The following HHAT variants were observed in gnomAD, a reference collection of about 807,000 sequenced individuals.
The protein encoded by HHAT is hedgehog acyltransferase.
A neutral mutation model predicts 70.8 loss-of-function variants in HHAT; 47 were observed. The observed-to-expected ratio is 0.66, with a 90% confidence interval of 0.53 to 0.85. The LOEUF is 0.85. Among genes scored for constraint, HHAT ranks in the 40% least tolerant of loss-of-function variants. The pLI is 0.00. For synonymous variants in HHAT, 228 were observed against 247.6 expected (o/e 0.92, Z 0.74); for missense variants, 609 against 604.8 (o/e 1.01, Z -0.07).
intron 8 of HHAT, among the ~76,000 whole-genome samples, chr1:210,482,218 C>G (rs2094407692): frequency 6.6e-6 from 1 of 152,178 alleles, no homozygotes; most frequent in Admixed American, 6.5e-5. Context: ...AAGAACTCTT[C>G]TGTACCTCCT....
chr1:210,574,628 T>C (rs1160079929), intron 9 of HHAT, among the ~76,000 whole-genome samples: 1 of 152,230 alleles, frequency 6.6e-6, no homozygotes, highest in Non-Finnish European at 1.5e-5. Context: ...GACCAGACTT[T>C]GTGTGTGCAG....
intron 3 of HHAT, among the ~76,000 whole-genome samples, chr1:210,364,432 T>G (rs2088685717): frequency 6.6e-6 from 1 of 152,202 alleles, no homozygotes; most frequent in African/African-American, 2.4e-5. Context: ...GATTTTTTTT[T>G]CCTTTTAGAG....
chr1:210,512,398 A>G (rs1467488641), intron 8 of HHAT, among the ~76,000 whole-genome samples: 1 of 151,288 alleles, frequency 6.6e-6, no homozygotes, highest in Non-Finnish European at 1.5e-5. Flanking sequence ...TTTCGGGCTG[A>G]GTGCGGTGGC....
chr1:210,444,258 T>C (rs2093588237), intron 7 of HHAT, among the ~76,000 whole-genome samples: 1 of 106,728 alleles, frequency 9.4e-6, no homozygotes, highest in African/African-American at 3.3e-5. Context: ...CAGTATTTTA[T>C]TGAGGATTTT....
At chr1:210,514,341 C>T (rs760655730) in intron 9 of HHAT, among the ~76,000 whole-genome samples, 8 of 152,092 alleles carry the variant, frequency 5.3e-5, no homozygotes, top group South Asian at 2.1e-4. Context: ...CTGCTATCTT[C>T]GACACAGCAA....
intron 11 of HHAT, among the ~76,000 whole-genome samples, chr1:210,650,156 C>T (rs115796781): frequency 8.8e-4 from 134 of 152,314 alleles, no homozygotes; most frequent in African/African-American, 3.1e-3. Context: ...TTGGGTTTTT[C>T]ATTATTTCCC....
In HHAT at chr1:210,673,861, T is replaced by C. The variant is rs549268214; in HGVS notation, c.1391-427T>C. The stretch of plus-strand genomic sequence containing the variant: ...TGTTTCCCAGGCTGGTCTCCAACTC[T>C]TGGACTCAAGTGATCCTCCCACCTC... On this transcript the variant is annotated intron_variant, in intron 11 of 11. Coordinates refer to ENST00000261458, the MANE Select transcript of HHAT (RefSeq NM_018194.6). 1.8e-4 allele frequency among the ~76,000 whole-genome samples: 27 copies of C among 151,474 alleles called. No individual in the cohort carries two copies. The South Asian group carries it at 2.7e-3, about 15-fold the overall frequency.
intron 9 of HHAT, among the ~76,000 whole-genome samples, chr1:210,572,820 CAA>C (rs1473472358): frequency 6.6e-6 from 1 of 152,108 alleles, no homozygotes; most frequent in African/African-American, 2.4e-5. Flanking sequence ...CCCTTGAGCC[CAA>C]GAGTTTGAGG....
chr1:210,662,912 T>A (rs1334586707), intron 11 of HHAT, among the ~76,000 whole-genome samples: 2 of 152,128 alleles, frequency 1.3e-5, no homozygotes, highest in Non-Finnish European at 2.9e-5. Context: ...GACAACTGTT[T>A]GTGCTGGTTA....
intron 2 of HHAT, among the ~76,000 whole-genome samples, chr1:210,354,590 G>T (rs538672879): frequency 6.6e-6 from 1 of 152,124 alleles, no homozygotes; most frequent in Admixed American, 6.5e-5. Context: ...TCAAACTCCT[G>T]GACTCAAGCG....
At chr1:210,535,027 C>T (rs1573107714) in intron 9 of HHAT, among the ~76,000 whole-genome samples, 1 of 152,216 alleles carries the variant, frequency 6.6e-6, no homozygotes, top group South Asian at 2.1e-4. Flanking sequence ...GCTTTGCATC[C>T]ACATTTTCTT....
At chr1:210,470,073 G>A (rs1231296134) in intron 8 of HHAT, among the ~76,000 whole-genome samples, 1 of 152,058 alleles carries the variant, frequency 6.6e-6, no homozygotes, top group Non-Finnish European at 1.5e-5. Context: ...TTGAACTCCT[G>A]GCCTCAAGCA....
intron 9 of HHAT, among the ~76,000 whole-genome samples, chr1:210,545,215 C>CT (rs781172807): frequency 1.2e-4 from 18 of 152,162 alleles, no homozygotes; most frequent in African/African-American, 1.7e-4. Context: ...GGCCTCTTCT[C>CT]TTACCTCTCG....
chr1:210,573,240 C>G (rs1448615538), intron 9 of HHAT, among the ~76,000 whole-genome samples: 1 of 152,120 alleles, frequency 6.6e-6, no homozygotes, highest in Non-Finnish European at 1.5e-5. Flanking sequence ...AATCAAAAAC[C>G]AGGAAAGTGA....
chr1:210,485,409 G>T (rs1405205628), intron 8 of HHAT, among the ~76,000 whole-genome samples: 2 of 152,074 alleles, frequency 1.3e-5, no homozygotes, highest in East Asian at 3.9e-4. Context: ...CTTCATATTT[G>T]CTTAAGAACA....
intron 11 of HHAT, among the ~76,000 whole-genome samples, chr1:210,664,936 C>T (rs914461304): frequency 6.6e-6 from 1 of 152,200 alleles, no homozygotes; most frequent in Non-Finnish European, 1.5e-5. Context: ...AGAGAGGCCC[C>T]CAAATTCATC....
intron 10 of HHAT, among the ~76,000 whole-genome samples, chr1:210,598,738 T>A (rs563008435): frequency 6.6e-6 from 1 of 152,378 alleles, no homozygotes; most frequent in East Asian, 1.9e-4. Context: ...CTGTCTTTCC[T>A]ACCCTCTACA....
intron 3 of HHAT, 113 bp from the exon 4 acceptor site, chr1:210,387,353 CTT>C (rs1325677934): frequency 1.2e-6 from 1 of 832,466 alleles, no homozygotes; most frequent in Non-Finnish European, 2.0e-6. Flanking sequence ...TGTAAATCCT[CTT>C]TTACAGAGTT....
intron 11 of HHAT, among the ~76,000 whole-genome samples, chr1:210,662,358 G>C (rs1013677511): frequency 2.0e-5 from 3 of 152,174 alleles, no homozygotes; most frequent in Admixed American, 1.3e-4. Flanking sequence ...CGGTTGTCAG[G>C]GGTGTCTGAC....
Sources: allele counts gnomAD v4.1 joint callset (sites outside exome capture counted in the v4.1 genomes callset), GRCh38; gene constraint gnomAD v4.1.1; transcripts MANE v1.5; gene names NCBI Gene and HGNC (gene_info 2026-07-23, HGNC 2026-07-21).